The following NDUFA10 variants were observed in gnomAD, a reference collection of about 807,000 sequenced individuals.
NDUFA10 encodes NADH:ubiquinone oxidoreductase subunit A10, also known as NADH dehydrogenase [ubiquinone] 1 alpha subcomplex subunit 10, mitochondrial.
In NDUFA10, 40 loss-of-function variants were observed where a neutral mutation model predicts 47.8. That is an observed-to-expected ratio of 0.84 (90% confidence interval 0.65 to 1.09). NDUFA10 has a LOEUF of 1.09. NDUFA10 is among the 50% of genes least tolerant of loss of function. NDUFA10 has a pLI of 0.00. For missense variants in NDUFA10, 413 were observed against 451.1 expected (o/e 0.92, Z 0.76); for synonymous variants, 183 against 172.2 (o/e 1.06, Z -0.49).
chr2:239,908,890 C>G (rs1158714995), intron 4 of NDUFA10, among the ~76,000 whole-genome samples: 1 of 152,186 alleles, frequency 6.6e-6, no homozygotes. Context: ...AGTCCCTGCC[C>G]CAGGAGGAGC....
At chr2:239,943,467 T>C (rs2106379840) in intron 4 of NDUFA10, among the ~76,000 whole-genome samples, 1 of 152,310 alleles carries the variant, frequency 6.6e-6, no homozygotes, top group East Asian at 1.9e-4. Context: ...CCCAAAGTGT[T>C]GGGATTACAG....
At chr2:240,010,316 C>A (rs192451019) in intron 6 of NDUFA10, among the ~76,000 whole-genome samples, 216 of 152,280 alleles carry the variant, frequency 1.4e-3, no homozygotes, top group African/African-American at 5.0e-3. Context: ...ATGCTTGAGG[C>A]TTAACGAGTC....
In NDUFA10 at chr2:239,906,352, G is replaced by A. The variant is rs13398904; in HGVS notation, c.295-11038C>T. Among the ~76,000 whole-genome samples the A allele has an allele frequency of 0.17, 25,327 of 152,024 alleles. 2,151 individuals are homozygous for A. The highest frequency in any genetic ancestry group is 0.18 in the African/African-American group (7,618 of 41,434). ...TGACCACGCCCTGTTGATAGACGCC[G>A]AGGCCATTTTCTGGGATACTCAGGG... On this transcript the variant is annotated intron_variant, in intron 4 of 5. Transcript: ENST00000419408. This position sits in a 1 kb window ranked among gnomAD's most constrained non-coding sequence, Gnocchi z 4.3.
chr2:239,933,517 T>TTTTTG (rs60064950), intron 4 of NDUFA10, among the ~76,000 whole-genome samples: 101,493 of 149,014 alleles, frequency 0.68, 35,135 homozygotes, highest in African/African-American at 0.8. Flanking sequence ...TTTTTTTGTT[T>TTTTTG]TTTTGTTTTG....
intron 4 of NDUFA10, among the ~76,000 whole-genome samples, chr2:239,925,306 T>C (rs1308443125): frequency 6.6e-6 from 1 of 152,172 alleles, no homozygotes; most frequent in African/African-American, 2.4e-5. Flanking sequence ...ATCATTACGG[T>C]AATCAAGACT....
chr2:239,938,578 A>G (rs1169697994), intron 4 of NDUFA10, among the ~76,000 whole-genome samples: 2 of 152,260 alleles, frequency 1.3e-5, no homozygotes, highest in East Asian at 1.9e-4. Context: ...CTTCCTGCCC[A>G]GTGGGGTCTG....
In NDUFA10 at chr2:239,957,977, G is replaced by A. The variant is rs144864637; in HGVS notation, c.*3141C>T. The stretch of plus-strand genomic sequence containing the variant: ...GAGAGTATTAGAAAACACTAGCGGC[G>A]TGAGGTGACTACTGACAATCACCTC... On this transcript the variant is annotated 3_prime_UTR_variant, in exon 10 of 10. Coordinates refer to ENST00000252711, the MANE Select transcript of NDUFA10 (RefSeq NM_004544.4). 269 of 152,336 alleles carry A rather than the reference G, an allele frequency of 1.8e-3. No individual in the cohort carries two copies. Among genetic ancestry groups the A allele is most frequent in the Middle Eastern group, 6.8e-3 (2 of 294 alleles). 9.4% of individuals were successfully genotyped at this position (152,336 alleles called of 1,614,324 possible). A position where few individuals can be genotyped will look rare whatever the true frequency, so the allele number is the denominator to read the frequency against.
At position 239,960,724 on chromosome 2, in the gene NDUFA10, C is replaced by T. The variant is rs1006004699; in HGVS notation, c.*394G>A. 4 of 1,185,094 alleles carry T rather than the reference C, an allele frequency of 3.4e-6. No homozygotes were observed. Among genetic ancestry groups the T allele is most frequent in the African/African-American group, 3.2e-5 (2 of 62,926 alleles). The allele number at this position is 1,185,094 out of a possible 1,614,324, so 73.4% of individuals were successfully genotyped here. A position where few individuals can be genotyped will look rare whatever the true frequency, so the allele number is the denominator to read the frequency against. ...TTCGACGTGCCCGCACGCACATAGA[C>T]GTACGATGGGGAAATTCCCATGGAA... On this transcript the variant is annotated 3_prime_UTR_variant, in exon 10 of 10. Transcript: ENST00000252711.
chr2:239,977,346 T>A (rs989924879), intron 9 of NDUFA10, among the ~76,000 whole-genome samples: 27 of 152,262 alleles, frequency 1.8e-4, no homozygotes, highest in African/African-American at 5.3e-4. Context: ...TGTCCCTGAG[T>A]ATGGCGTGCT....
intron 9 of NDUFA10, among the ~76,000 whole-genome samples, chr2:239,963,573 G>C (rs1559324109): frequency 6.6e-6 from 1 of 152,200 alleles, no homozygotes; most frequent in Non-Finnish European, 1.5e-5. Context: ...CTGGGTGAGA[G>C]AGAGAAAGAG....
At chr2:239,894,424 G>A (rs1376650893) in intron 5 of NDUFA10, among the ~76,000 whole-genome samples, 9 of 151,830 alleles carry the variant, frequency 5.9e-5, no homozygotes, top group South Asian at 4.2e-4. Context: ...CCTGCCTCCC[G>A]TCCTCTGCTT....
At chr2:240,007,935 T>A (rs1320101040) in intron 6 of NDUFA10, among the ~76,000 whole-genome samples, 2 of 152,076 alleles carry the variant, frequency 1.3e-5, no homozygotes, top group Non-Finnish European at 2.9e-5. Context: ...CTCCACACAT[T>A]TAGGATGTAA....
intron 9 of NDUFA10, among the ~76,000 whole-genome samples, chr2:239,971,432 C>A (rs1031388802): frequency 2.6e-5 from 4 of 152,206 alleles, no homozygotes; most frequent in Non-Finnish European, 4.4e-5. Flanking sequence ...CGAATCCTGC[C>A]ATGAAATAAT....
downstream of NDUFA10, among the ~76,000 whole-genome samples, chr2:239,952,528 C>G (rs1694573257): frequency 6.6e-6 from 1 of 152,210 alleles, no homozygotes; most frequent in South Asian, 2.1e-4. Context: ...TTCTGAGCAC[C>G]AACAGCTTCC....
At chr2:239,927,526 T>C (rs533367609) in intron 4 of NDUFA10, among the ~76,000 whole-genome samples, 132 of 152,334 alleles carry the variant, frequency 8.7e-4, no homozygotes, top group Non-Finnish European at 1.7e-3. Flanking sequence ...GGTGCAGTCC[T>C]CAGGATGTAT....
Position 240,014,723 on chromosome 2 carries a change from T to C in NDUFA10, c.669+16A>G, listed in dbSNP as rs376435402. 24 of 1,614,190 alleles carry C rather than the reference T, an allele frequency of 1.5e-5. No individual in the cohort carries two copies. The highest frequency in any genetic ancestry group is 1.3e-4 in the African/African-American group (10 of 75,070). Reference sequence around the variant, plus strand: ...CAAAATAGAGATGCTTGGCCTTTGATTGAAAACTGCATTACATCTCCTTTC... The same window carrying C: ...CAAAATAGAGATGCTTGGCCTTTGACTGAAAACTGCATTACATCTCCTTTC... On this transcript the variant is annotated intron_variant, in intron 5 of 9. Transcript: ENST00000252711.
rs1190840140 is a variant in NDUFA10 at position 239,945,176 on chromosome 2, TG to T, written c.294+44897del. Among the ~76,000 whole-genome samples the T allele has an allele frequency of 2.6e-5, 4 of 152,090 alleles. No individual in the cohort carries two copies. The highest frequency in any genetic ancestry group is 4.4e-5 in the Non-Finnish European group (3 of 67,988). On this transcript the variant is annotated intron_variant, in intron 4 of 5. Coordinates refer to the NDUFA10 transcript ENST00000419408. This position sits in a 1 kb window ranked among gnomAD's most constrained non-coding sequence, Gnocchi z 4.6. ...CACCCCTCCCGCAGGAGGGCCTGAC[TG>T]GGGAGGAAATGACAAGCCACTTCTC...
intron 8 of NDUFA10, among the ~76,000 whole-genome samples, chr2:239,996,762 C>T (rs1014887436): frequency 2.6e-5 from 4 of 152,038 alleles, no homozygotes; most frequent in Admixed American, 2.6e-4. Flanking sequence ...TGAATGCAGC[C>T]CAACATAAAT....
rs557576958 is a variant in NDUFA10 at position 239,959,636 on chromosome 2, G to C, written c.*1482C>G. 729 of 984,448 alleles carry C rather than the reference G, an allele frequency of 7.4e-4. No homozygotes were observed. Among genetic ancestry groups the C allele is most frequent in the Non-Finnish European group, 8.4e-4 (700 of 828,432 alleles). The allele number at this position is 984,448 out of a possible 1,614,324, so 61.0% of individuals were successfully genotyped here. Reference sequence around the variant, plus strand: ...CTTAAAACAAGGAAGGAGGCAGGGAGGAAGGGAAGGGAGGAAAACAAGGAC... The same window carrying C: ...CTTAAAACAAGGAAGGAGGCAGGGACGAAGGGAAGGGAGGAAAACAAGGAC... On this transcript the variant is annotated 3_prime_UTR_variant, in exon 10 of 10. Transcript: ENST00000252711.
Sources: gnomAD v4.1 joint callset for allele counts (sites outside exome capture counted in the v4.1 genomes callset) on GRCh38, gnomAD v4.1.1 for gene constraint, Gnocchi (gnomAD v3.1) non-coding constraint, MANE v1.5 for transcripts, NCBI Gene and HGNC (gene_info 2026-07-23, HGNC 2026-07-21) for gene names.